Variants in TRPC1 observed in about 807,000 individuals in gnomAD.
TRPC1 encodes the protein short transient receptor potential channel 1.
Under a neutral mutation model 88.2 loss-of-function variants are expected in TRPC1, and 42 were observed. The ratio of observed to expected loss-of-function variants is 0.48; its 90% CI spans 0.37 to 0.62. The LOEUF (loss-of-function observed/expected upper bound fraction) is 0.62, where lower values mean the gene tolerates loss of function less well. TRPC1 is among the 20% of genes least tolerant of loss of function. TRPC1 has a pLI of 0.00. For synonymous variants in TRPC1, 288 were observed against 331.8 expected, an observed-to-expected ratio of 0.87 and a Z score of 1.43; for missense variants, 699 against 957.3, an observed-to-expected ratio of 0.73 and a Z score of 3.56.
chr3:142,754,089 C>CAAAAA (rs10609600), intron 4 of TRPC1, among the ~76,000 whole-genome samples: 8 of 86,130 alleles, frequency 9.3e-5, no homozygotes, highest in Admixed American at 1.4e-4. Context: ...GACTCCGTCT[C>CAAAAA]AAAAAAAAAA....
chr3:142,736,177 A>G (rs549823921), intron 1 of TRPC1, among the ~76,000 whole-genome samples: 1 of 151,888 alleles, frequency 6.6e-6, no homozygotes, highest in Non-Finnish European at 1.5e-5. Context: ...TCTACTTTTT[A>G]TGTCTGCTGC....
At chr3:142,788,063 A>G (rs946712486) in intron 7 of TRPC1, among the ~76,000 whole-genome samples, 4 of 152,208 alleles carry the variant, frequency 2.6e-5, no homozygotes, top group African/African-American at 9.6e-5. Context: ...ATTGTACCAG[A>G]CCATGCATGG....
At chr3:142,783,703 C>T (rs964766591) in intron 6 of TRPC1, among the ~76,000 whole-genome samples, 4 of 152,144 alleles carry the variant, frequency 2.6e-5, no homozygotes, top group Non-Finnish European at 4.4e-5. Context: ...AAACTCTGTC[C>T]AATTCTTTTT....
At position 142,763,196 on chromosome 3, in the gene TRPC1, G is replaced by A. The variant is rs139904706; in HGVS notation, c.633-14436G>A. Among the ~76,000 whole-genome samples the A allele has an allele frequency of 7.1e-3, 1,079 of 152,128 alleles. 3 individuals are homozygous for A. The highest frequency in any genetic ancestry group is 0.011 in the Non-Finnish European group (733 of 67,950). ...CAGTTAGGCCTATTAGATCTAGTGC[G>A]TAGTTTAATTTTACTCTTTCTTTGT... On this transcript the variant is annotated intron_variant, in intron 4 of 12. Transcript: ENST00000476941.
At chr3:142,779,464 T>G (rs1468909450) in intron 5 of TRPC1, among the ~76,000 whole-genome samples, 1 of 152,210 alleles carries the variant, frequency 6.6e-6, no homozygotes, top group African/African-American at 2.4e-5. Context: ...GATGGAATAT[T>G]TTTGTAATAA....
intron 5 of TRPC1, among the ~76,000 whole-genome samples, chr3:142,778,047 A>G (rs1400771613): frequency 1.3e-5 from 2 of 152,192 alleles, no homozygotes; most frequent in East Asian, 3.9e-4. Context: ...TATGAAATAC[A>G]GTAGGATTAT....
At chr3:142,734,058 G>C (rs556358041) in intron 1 of TRPC1, among the ~76,000 whole-genome samples, 1 of 152,300 alleles carries the variant, frequency 6.6e-6, no homozygotes, top group South Asian at 2.1e-4. Context: ...TAGATGAGGA[G>C]AAAAACCAAT....
At chr3:142,799,179 CAAG>C (rs779549789) in intron 9 of TRPC1, among the ~76,000 whole-genome samples, 60 of 152,092 alleles carry the variant, frequency 3.9e-4, no homozygotes, top group Middle Eastern at 6.8e-3. Flanking sequence ...TTCTGATTAG[CAAG>C]AAGGATTTTT....
intron 1 of TRPC1, among the ~76,000 whole-genome samples, chr3:142,727,286 G>T (rs1230229927): frequency 1.3e-5 from 2 of 151,552 alleles, no homozygotes; most frequent in Non-Finnish European, 2.9e-5. Flanking sequence ...TTCTTTTCAT[G>T]TAGCATTCTT....
intron 4 of TRPC1, among the ~76,000 whole-genome samples, chr3:142,749,732 C>A (rs1357898374): frequency 6.6e-6 from 1 of 152,110 alleles, no homozygotes; most frequent in Admixed American, 6.6e-5. Context: ...GATATATAGA[C>A]CAATGGAACA....
At chr3:142,801,404 A>G (rs1033386927) in intron 9 of TRPC1, 1 of 152,164 alleles carries the variant, frequency 6.6e-6, no homozygotes, top group African/African-American at 2.4e-5. Flanking sequence ...CTATTGGTTA[A>G]ATTTCTAGGG....
At chr3:142,802,062 C>A in intron 9 of TRPC1, 107 bp from the exon 10 acceptor site, 2 of 675,774 alleles carry the variant, frequency 3.0e-6, no homozygotes, top group South Asian at 3.2e-5. Flanking sequence ...GAAGGGGTGG[C>A]CTGTGGATTA....
intron 4 of TRPC1, among the ~76,000 whole-genome samples, chr3:142,768,832 T>G (rs918453948): frequency 2.0e-5 from 3 of 152,160 alleles, no homozygotes; most frequent in African/African-American, 7.2e-5. Context: ...CAACTTTGCT[T>G]TCCCATTTTC....
At chr3:142,726,986 A>G (rs1387469927) in intron 1 of TRPC1, among the ~76,000 whole-genome samples, 1 of 152,246 alleles carries the variant, frequency 6.6e-6, no homozygotes, top group Non-Finnish European at 1.5e-5. Context: ...GCCCAAGGTT[A>G]CATTGGTTAG....
At chr3:142,727,046 G>A (rs1275898955) in intron 1 of TRPC1, among the ~76,000 whole-genome samples, 2 of 152,172 alleles carry the variant, frequency 1.3e-5, no homozygotes, top group African/African-American at 2.4e-5. Context: ...TAACCACTAC[G>A]TTATATAGAT....
chr3:142,795,231 T>C (rs4643748), intron 9 of TRPC1, among the ~76,000 whole-genome samples: 52,756 of 151,716 alleles, frequency 0.35, 12,626 homozygotes, highest in African/African-American at 0.69. Context: ...CAACTTCAGG[T>C]GGCCTAATAT....
chr3:142,751,158 T>C (rs927855508), intron 4 of TRPC1, among the ~76,000 whole-genome samples: 1 of 152,150 alleles, frequency 6.6e-6, no homozygotes. Flanking sequence ...GTAGCCTAAG[T>C]GTATAGTTAT....
intron 4 of TRPC1, among the ~76,000 whole-genome samples, chr3:142,753,510 A>G (rs1934851888): frequency 6.6e-6 from 1 of 152,146 alleles, no homozygotes; most frequent in South Asian, 2.1e-4. Flanking sequence ...TCACGCCTGT[A>G]ATCCTAGCAC....
At chr3:142,752,579 C>T (rs1162989022) in intron 4 of TRPC1, among the ~76,000 whole-genome samples, 1 of 152,058 alleles carries the variant, frequency 6.6e-6, no homozygotes, top group African/African-American at 2.4e-5. Flanking sequence ...ATCTCAACTG[C>T]AAGAGGCTTT....
Sources: gnomAD v4.1 joint callset for allele counts (sites outside exome capture counted in the v4.1 genomes callset) on GRCh38, gnomAD v4.1.1 for gene constraint, MANE v1.5 for transcripts, NCBI Gene and HGNC (gene_info 2026-07-23, HGNC 2026-07-21) for gene names.